The following FBN1 variants were observed in gnomAD, a reference collection of about 807,000 sequenced individuals.
FBN1 encodes the protein fibrillin 1.
FBN1 carries 29 observed loss-of-function variants against 365.1 expected under a neutral mutation model. The ratio of observed to expected loss-of-function variants is 0.08; its 90% CI spans 0.06 to 0.11. The LOEUF (loss-of-function observed/expected upper bound fraction) is 0.11. Ranked by LOEUF, FBN1 falls within the 10% of genes least tolerant of loss-of-function variation. The probability of loss-of-function intolerance (pLI) is 1.00; values close to 1 mark genes in which losing one functional copy is unlikely to be tolerated. For missense variants in FBN1, 2,476 were observed against 3,703.2 expected, an observed-to-expected ratio of 0.67 and a Z score of 8.60; for synonymous variants, 1,210 against 1,270.5, an observed-to-expected ratio of 0.95 and a Z score of 1.01.
At chr15:48,644,375 T>C (rs1236225087) in intron 2 of FBN1, 8 of 628,504 alleles carry the variant, frequency 1.3e-5, no homozygotes, top group East Asian at 2.7e-5. Flanking sequence ...GCCTCAACAA[T>C]GGCCCAAGAT....
rs193922229 is a variant in FBN1 at position 48,427,812 on chromosome 15, AT to A, written c.6998-40del. 2.1e-3 allele frequency: 3,333 copies of A among 1,583,928 alleles called. 5 individuals are homozygous for A. Among genetic ancestry groups the A allele is most frequent in the Non-Finnish European group, 2.6e-3 (3,046 of 1,154,378 alleles). On this transcript the variant is annotated intron_variant, in intron 57 of 65. Transcript: ENST00000316623. ...TATATGGCAAAGGGGATGTCAGGAAATTTTAAGAGCAAACAAAATATTAAAA... is the reference window on the plus strand; with the variant it reads ...TATATGGCAAAGGGGATGTCAGGAAATTTAAGAGCAAACAAAATATTAAAA...
intron 60 of FBN1, among the ~76,000 whole-genome samples, chr15:48,424,282 C>G (rs4597261): frequency 0.025 from 3,750 of 152,294 alleles, 80 homozygotes; most frequent in East Asian, 0.081. Flanking sequence ...GCCTCAGGCA[C>G]TTGCCCATGA....
chr15:48,436,206 G>A (rs2043070816), intron 53 of FBN1, among the ~76,000 whole-genome samples: 1 of 152,052 alleles, frequency 6.6e-6, no homozygotes, highest in Non-Finnish European at 1.5e-5. Context: ...GAGCTGCAAA[G>A]GTAATTAGAA....
At position 48,441,744 on chromosome 15, in the gene FBN1, G is replaced by A. The variant is rs1060501046; in HGVS notation, c.6140C>T (p.Ser2047Phe). The A allele has an allele frequency of 1.2e-6, 2 of 1,613,642 alleles. No homozygotes were observed. Among genetic ancestry groups the A allele is most frequent in the Non-Finnish European group, 1.7e-6 (2 of 1,179,676 alleles). The change falls in exon 50 of 66, where the codon TCC becomes TTC. Residue 2047 changes from serine to phenylalanine, a missense_variant. Coordinates refer to ENST00000316623, the MANE Select transcript of FBN1 (RefSeq NM_000138.5). ...KCLCPEGFSL[S>F]SSGRRCQDLR... is the part of the protein sequence containing the mutation. ...ACCTTGGCACCTTCTTCCACTGGAG[G>A]ACAAGGAAAACCCTTCTGGACACAG... is the stretch of plus-strand genomic sequence containing the variant.
At chr15:48,547,721 TCACA>T (rs57915350) in intron 6 of FBN1, among the ~76,000 whole-genome samples, 14,530 of 130,924 alleles carry the variant, frequency 0.11, 647 homozygotes, top group Non-Finnish European at 0.14. Flanking sequence ...CTTCTCTCTT[TCACA>T]CACACACACA....
At chr15:48,511,341 C>T (rs1054390437) in intron 13 of FBN1, among the ~76,000 whole-genome samples, 5 of 151,834 alleles carry the variant, frequency 3.3e-5, no homozygotes, top group African/African-American at 4.8e-5. Flanking sequence ...TTTTCTCTCT[C>T]GTTTATTTCT....
At chr15:48,551,788 T>C (rs773907343) in intron 6 of FBN1, among the ~76,000 whole-genome samples, 2 of 152,174 alleles carry the variant, frequency 1.3e-5, no homozygotes, top group Non-Finnish European at 2.9e-5. Context: ...TCTGTTGCTG[T>C]GTTAGTTTGC....
intron 2 of FBN1, 43 bp from the exon 3 acceptor site, chr15:48,613,135 G>A (rs751360618): frequency 1.4e-4 from 198 of 1,465,090 alleles, no homozygotes; most frequent in Non-Finnish European, 1.8e-5. Context: ...AAAAAAAGAA[G>A]AAGAGGAAGA....
At chr15:48,538,123 A>G (rs764743190) in intron 6 of FBN1, among the ~76,000 whole-genome samples, 11 of 152,252 alleles carry the variant, frequency 7.2e-5, no homozygotes, top group Non-Finnish European at 1.6e-4. Flanking sequence ...TAATATTATT[A>G]TCCACTCATT....
intron 32 of FBN1, among the ~76,000 whole-genome samples, chr15:48,478,292 A>C (rs2043438786): frequency 6.6e-6 from 1 of 152,216 alleles, no homozygotes; most frequent in South Asian, 2.1e-4. Flanking sequence ...AAGAAACTGG[A>C]AGGAAATGAA....
intron 36 of FBN1, 28 bp from the exon 37 acceptor site, chr15:48,468,562 T>A (rs1377162835): frequency 6.2e-7 from 1 of 1,613,588 alleles, no homozygotes; most frequent in Admixed American, 1.7e-5. Context: ...GTAGTGGAGT[T>A]ATCACCTGAG....
chr15:48,434,198 T>C (rs2043045705), intron 54 of FBN1, among the ~76,000 whole-genome samples: 3 of 152,106 alleles, frequency 2.0e-5, no homozygotes, highest in Admixed American at 6.6e-5. Context: ...GTGGGTATCT[T>C]AGTGTGCAGT....
intron 2 of FBN1, chr15:48,641,502 A>G (rs566872250): frequency 1.3e-5 from 2 of 152,376 alleles, no homozygotes; most frequent in African/African-American, 4.8e-5. Context: ...AGAAGGCAGT[A>G]TTTGCTGGGG....
intron 4 of FBN1, among the ~76,000 whole-genome samples, chr15:48,601,452 T>C (rs2455925): frequency 0.084 from 12,761 of 152,224 alleles, 571 homozygotes; most frequent in Middle Eastern, 0.16. Context: ...GTCCTCCAAG[T>C]TGTGGAAGTA....
At chr15:48,614,946 C>A (rs1160210810) in intron 2 of FBN1, among the ~76,000 whole-genome samples, 1 of 152,172 alleles carries the variant, frequency 6.6e-6, no homozygotes, top group Non-Finnish European at 1.5e-5. Flanking sequence ...AGGCTCTCAA[C>A]CCTTTGTCCC....
At chr15:48,509,001 T>C (rs1012040257) in intron 14 of FBN1, among the ~76,000 whole-genome samples, 1 of 152,212 alleles carries the variant, frequency 6.6e-6, no homozygotes, top group Non-Finnish European at 1.5e-5. Context: ...TTAGGAATAA[T>C]AGTTTACAAA....
At chr15:48,417,248 C>CT (rs1043650076) in intron 63 of FBN1, among the ~76,000 whole-genome samples, 6 of 151,418 alleles carry the variant, frequency 4.0e-5, no homozygotes, top group East Asian at 1.9e-4. Flanking sequence ...TCTATTTTTT[C>CT]TTTTTTTTTA....
At chr15:48,533,786 G>A (rs1287846462) in intron 8 of FBN1, among the ~76,000 whole-genome samples, 5 of 152,120 alleles carry the variant, frequency 3.3e-5, no homozygotes, top group Non-Finnish European at 7.4e-5. Flanking sequence ...AAAAACATGT[G>A]TGTTGAACAT....
intron 47 of FBN1, among the ~76,000 whole-genome samples, chr15:48,446,258 T>C (rs1335919679): frequency 6.6e-6 from 1 of 152,070 alleles, no homozygotes; most frequent in African/African-American, 2.4e-5. Flanking sequence ...TACCCAAAAA[T>C]AGGTGAGTAT....
Sources: allele counts gnomAD v4.1 joint callset (sites outside exome capture counted in the v4.1 genomes callset), GRCh38; gene constraint gnomAD v4.1.1; transcripts MANE v1.5; gene names NCBI Gene and HGNC (gene_info 2026-07-23, HGNC 2026-07-21).